THSD4: variants seen among roughly 807,000 people sequenced by gnomAD.
THSD4 encodes the protein thrombospondin type-1 domain-containing protein 4.
In THSD4, 69 loss-of-function variants were observed where a neutral mutation model predicts 119.0. The observed-to-expected ratio is 0.58, with a 90% CI of 0.48 to 0.71. THSD4 has a LOEUF of 0.71. Ranked by LOEUF, THSD4 falls within the 30% of genes least tolerant of loss-of-function variation. THSD4 has a pLI of 0.00. For synonymous variants in THSD4, 524 were observed against 540.4 expected, an observed-to-expected ratio of 0.97 and a Z score of 0.42; for missense variants, 1,393 against 1,391.1, an observed-to-expected ratio of 1.00 and a Z score of -0.02.
intron 5 of THSD4, among the ~76,000 whole-genome samples, chr15:71,251,729 C>T (rs1222599786): frequency 6.6e-6 from 1 of 152,098 alleles, no homozygotes; most frequent in Non-Finnish European, 1.5e-5. Flanking sequence ...TGTCCGTCTC[C>T]TGGGGAGATG....
intron 7 of THSD4, among the ~76,000 whole-genome samples, chr15:71,610,073 T>C (rs967217882): frequency 1.3e-5 from 2 of 152,164 alleles, no homozygotes; most frequent in African/African-American, 4.8e-5. Context: ...TTAAATAAAC[T>C]GTTTCAAAGT....
chr15:71,256,945 T>C (rs967863303), intron 6 of THSD4, among the ~76,000 whole-genome samples: 3 of 152,094 alleles, frequency 2.0e-5, no homozygotes, highest in African/African-American at 7.2e-5. Flanking sequence ...GAGGCACTGA[T>C]GGAAACAAGC....
At chr15:71,737,682 C>G in intron 10 of THSD4, 50 bp from the exon 11 acceptor site, 1 of 1,521,348 alleles carries the variant, frequency 6.6e-7, no homozygotes, top group South Asian at 1.3e-5. Context: ...CTTTACAACT[C>G]AGGGTCTAAA....
chr15:71,211,449 AAG>A (rs1226684460), intron 3 of THSD4, among the ~76,000 whole-genome samples: 1 of 152,030 alleles, frequency 6.6e-6, no homozygotes, highest in East Asian at 1.9e-4. Flanking sequence ...GAGTGGGGCT[AAG>A]AGAGAGAGGG....
At chr15:71,680,002 G>C (rs543364638) in intron 8 of THSD4, among the ~76,000 whole-genome samples, 1 of 152,178 alleles carries the variant, frequency 6.6e-6, no homozygotes, top group Non-Finnish European at 1.5e-5. Context: ...TATGATAGAA[G>C]AACGTAATAC....
chr15:71,541,738 T>C (rs1018062986), intron 7 of THSD4, among the ~76,000 whole-genome samples: 1 of 152,210 alleles, frequency 6.6e-6, no homozygotes, highest in African/African-American at 2.4e-5. Context: ...TTGGTGCTTA[T>C]GAACAATTTG....
chr15:71,658,966 T>C (rs538773651), intron 7 of THSD4, among the ~76,000 whole-genome samples: 1 of 152,316 alleles, frequency 6.6e-6, no homozygotes, highest in South Asian at 2.1e-4. Context: ...AATGGGCACC[T>C]TTTGATTTGA....
intron 15 of THSD4, among the ~76,000 whole-genome samples, chr15:71,758,313 AATAT>A (rs1205999895): frequency 6.6e-6 from 1 of 152,244 alleles, no homozygotes; most frequent in African/African-American, 2.4e-5. Context: ...GAGCAACACA[AATAT>A]CTCTGCCCTC....
rs1033175622 is a variant in THSD4 at position 71,780,756 on chromosome 15, T to C, written c.*3382T>C. The C allele has an allele frequency of 6.6e-6, 3 of 453,982 alleles. No homozygotes were observed. Among genetic ancestry groups the C allele is most frequent in the South Asian group, 1.6e-5 (1 of 64,322 alleles). The allele number at this position is 453,982 out of a possible 1,614,324, so 28.1% of individuals were successfully genotyped here. On this transcript the variant is annotated 3_prime_UTR_variant, in exon 18 of 18. Coordinates refer to ENST00000261862, the MANE Select transcript of THSD4 (RefSeq NM_024817.3). Reference sequence around the variant, plus strand: ...TCTCTGGCCCAGAGTTCTTGGAGGGTTTTTTCTTTATTTTCTTATGTACTC... The same window carrying C: ...TCTCTGGCCCAGAGTTCTTGGAGGGCTTTTTCTTTATTTTCTTATGTACTC...
intron 7 of THSD4, among the ~76,000 whole-genome samples, chr15:71,622,507 T>C (rs571489701): frequency 6.6e-6 from 1 of 152,348 alleles, no homozygotes; most frequent in East Asian, 1.9e-4. Context: ...TTTTGACAAA[T>C]TCCGTATGTC....
At chr15:71,511,111 C>T (rs62015883) in intron 7 of THSD4, among the ~76,000 whole-genome samples, 25,991 of 152,114 alleles carry the variant, frequency 0.17, 2,298 homozygotes, top group Admixed American at 0.18. Flanking sequence ...TGGCTTCTGT[C>T]TTCAGCAGAG....
intron 5 of THSD4, among the ~76,000 whole-genome samples, chr15:71,252,227 G>A (rs2044266897): frequency 6.6e-6 from 1 of 152,188 alleles, no homozygotes; most frequent in African/African-American, 2.4e-5. Flanking sequence ...AGTTCACAGT[G>A]TAATGTACAG....
chr15:71,117,695 GC>G (rs1485504167), intron 1 of THSD4, among the ~76,000 whole-genome samples: 2 of 152,104 alleles, frequency 1.3e-5, no homozygotes, highest in Admixed American at 1.3e-4. Flanking sequence ...CTTCTTTCAT[GC>G]TGATAGATTA....
upstream of THSD4, chr15:71,110,983 T>C (rs1440689663): frequency 1.4e-6 from 1 of 691,414 alleles, no homozygotes; most frequent in Non-Finnish European, 2.4e-6. Context: ...GACTGGAGGC[T>C]GCCAGCCCCG....
At chr15:71,459,352 C>G (rs1436029190) in intron 7 of THSD4, among the ~76,000 whole-genome samples, 5 of 144,776 alleles carry the variant, frequency 3.5e-5, no homozygotes, top group Non-Finnish European at 7.6e-5. Context: ...CTCTGTCTCT[C>G]TCTCTCTCTC....
intron 1 of THSD4, among the ~76,000 whole-genome samples, chr15:71,101,367 CCT>C (rs1555448033): frequency 1.3e-5 from 2 of 152,128 alleles, no homozygotes; most frequent in Non-Finnish European, 2.9e-5. Flanking sequence ...TTTGGCATCC[CCT>C]GTTTACGTAG....
intron 7 of THSD4, among the ~76,000 whole-genome samples, chr15:71,536,879 G>A (rs1293127354): frequency 6.6e-6 from 1 of 151,702 alleles, no homozygotes; most frequent in Non-Finnish European, 1.5e-5. Context: ...ACCATTTGTG[G>A]AAAAGACTAT....
chr15:71,360,579 A>ATTTTG (rs2045881384), intron 6 of THSD4, among the ~76,000 whole-genome samples: 1 of 152,062 alleles, frequency 6.6e-6, no homozygotes, highest in Admixed American at 6.5e-5. Flanking sequence ...TTTGCGCATC[A>ATTTTG]TTTTGGGTTC....
At chr15:71,511,931 C>T (rs1330024396) in intron 7 of THSD4, among the ~76,000 whole-genome samples, 2 of 152,130 alleles carry the variant, frequency 1.3e-5, no homozygotes, top group African/African-American at 4.8e-5. Flanking sequence ...TTATTGGCAA[C>T]CCTAGGGAGG....
Sources: allele counts gnomAD v4.1 joint callset (sites outside exome capture counted in the v4.1 genomes callset), GRCh38; gene constraint gnomAD v4.1.1; transcripts MANE v1.5; gene names NCBI Gene and HGNC (gene_info 2026-07-23, HGNC 2026-07-21).